The following TMEM245 variants were observed in gnomAD, a reference collection of about 807,000 sequenced individuals.
TMEM245 encodes the protein transmembrane protein 245.
Under a neutral mutation model 101.2 loss-of-function variants are expected in TMEM245, and 69 were observed. The observed-to-expected ratio is 0.68, with a 90% CI of 0.56 to 0.83. The LOEUF is 0.83. TMEM245 is among the 40% of genes least tolerant of loss of function. The pLI is 0.00. For missense variants in TMEM245, 1,075 were observed against 1,092.8 expected (o/e 0.98, Z 0.23); for synonymous variants, 537 against 449.8 (o/e 1.19, Z -2.45).
intron 6 of TMEM245, among the ~76,000 whole-genome samples, chr9:109,086,506 T>C (rs542554031): frequency 5.9e-5 from 9 of 152,324 alleles, no homozygotes; most frequent in South Asian, 2.1e-4. Flanking sequence ...AAATTCCTAA[T>C]ACTTACATAG....
rs1232097268 is a variant in TMEM245 at position 109,119,836 on chromosome 9, C to T, written c.78G>A (p.Ala26=). ...CCCCGCCACCGCCACTCGGCCCGAC[C>T]GCGCGCGGGACCCGCGGCGCCGGCC... The part of the protein sequence containing the change: ...SPGPAPRVPR[A]VGPSGGGGET... Residue 26 remains alanine, a synonymous_variant, in exon 1 of 18, where the codon GCG becomes GCA. Transcript: ENST00000374586. 7.4e-7 allele frequency: 1 copy of T among 1,350,648 alleles called. No individual in the cohort carries two copies. The highest frequency in any genetic ancestry group is 9.4e-7 in the Non-Finnish European group (1 of 1,061,242). 83.7% of individuals were successfully genotyped at this position (1,350,648 alleles called of 1,614,324 possible). A position where few individuals can be genotyped will look rare whatever the true frequency, so the allele number is the denominator to read the frequency against.
chr9:109,103,527 C>T (rs925069342), intron 3 of TMEM245, among the ~76,000 whole-genome samples: 1 of 152,070 alleles, frequency 6.6e-6, no homozygotes, highest in Non-Finnish European at 1.5e-5. Flanking sequence ...GGTACTTATA[C>T]ACAATGGAGT....
intron 14 of TMEM245, among the ~76,000 whole-genome samples, chr9:109,048,967 G>T (rs1024600991): frequency 5.9e-5 from 9 of 152,362 alleles, no homozygotes; most frequent in African/African-American, 2.2e-4. Context: ...CAGCTTGGCT[G>T]TAGGACAGAG....
intron 3 of TMEM245, among the ~76,000 whole-genome samples, chr9:109,102,822 C>A (rs1033457113): frequency 2.6e-5 from 4 of 152,180 alleles, no homozygotes; most frequent in Non-Finnish European, 5.9e-5. Flanking sequence ...AGTTTATTAT[C>A]GCCATCAGAA....
chr9:109,068,422 C>A lies in TMEM245; in HGVS notation c.1533-3855G>T, dbSNP rs912601534. On this transcript the variant is annotated intron_variant, in intron 9 of 17. Coordinates refer to ENST00000374586, the MANE Select transcript of TMEM245 (RefSeq NM_032012.4). ...TTGGGAGGCCAAAGCGGGTGGATCA[C>A]TTGAGGTCAGGAGTTCAAAGACCAG... Among the ~76,000 whole-genome samples the A allele has an allele frequency of 5.4e-5, 8 of 147,376 alleles. No homozygotes were observed. The Admixed American group carries it at 5.5e-4, about 10-fold the overall frequency.
intron 11 of TMEM245, among the ~76,000 whole-genome samples, chr9:109,058,091 C>G (rs1248969461): frequency 6.6e-6 from 1 of 151,092 alleles, no homozygotes; most frequent in Non-Finnish European, 1.5e-5. Context: ...AACTCCGCCT[C>G]CCAGGTTCAT....
At chr9:109,047,851 G>GAT (rs1032557525) in intron 14 of TMEM245, among the ~76,000 whole-genome samples, 1 of 152,194 alleles carries the variant, frequency 6.6e-6, no homozygotes, top group African/African-American at 2.4e-5. Context: ...ACCAGCCTTT[G>GAT]ATATGGCTGC....
intron 1 of TMEM245, 29 bp downstream of exon 1, chr9:109,119,306 G>C: frequency 1.3e-6 from 2 of 1,515,232 alleles, no homozygotes; most frequent in Non-Finnish European, 1.8e-6. Flanking sequence ...CCACGGGCGG[G>C]GGACGGGGGC....
intron 9 of TMEM245, among the ~76,000 whole-genome samples, chr9:109,064,857 G>A (rs1829119087): frequency 1.3e-5 from 2 of 152,076 alleles, no homozygotes; most frequent in African/African-American, 2.4e-5. Context: ...TCTCGGCTCG[G>A]TGCAACCCTG....
intron 14 of TMEM245, chr9:109,039,407 C>T (rs1828236223): frequency 1.3e-5 from 2 of 152,056 alleles, no homozygotes; most frequent in African/African-American, 2.4e-5. Context: ...AAGAAAACAA[C>T]AGAGCTTCAG....
chr9:109,039,334 C>T (rs746755927), intron 14 of TMEM245: 1 of 151,978 alleles, frequency 6.6e-6, no homozygotes, highest in Non-Finnish European at 1.5e-5. Context: ...CAAAAGGAAG[C>T]GAAAGACCCC....
At chr9:109,088,911 C>T (rs1311035168) in intron 5 of TMEM245, among the ~76,000 whole-genome samples, 1 of 149,918 alleles carries the variant, frequency 6.7e-6, no homozygotes, top group African/African-American at 2.5e-5. Context: ...GGTATCTGCT[C>T]TGTGACTTGC....
At chr9:109,077,222 C>G (rs528325191) in intron 8 of TMEM245, among the ~76,000 whole-genome samples, 1 of 152,224 alleles carries the variant, frequency 6.6e-6, no homozygotes, top group East Asian at 1.9e-4. Context: ...ACGATCACAG[C>G]TCACTGCAGC....
chr9:109,051,449 A>T (rs566929616), intron 12 of TMEM245, among the ~76,000 whole-genome samples: 5 of 152,302 alleles, frequency 3.3e-5, no homozygotes, highest in African/African-American at 1.2e-4. Context: ...TTCGTCCTGC[A>T]AATGTCATAG....
intron 1 of TMEM245, among the ~76,000 whole-genome samples, chr9:109,109,230 C>T (rs1028895740): frequency 1.3e-5 from 2 of 152,114 alleles, no homozygotes; most frequent in Admixed American, 1.3e-4. Flanking sequence ...AGGATACCCT[C>T]TTCAGTTCTT....
intron 17 of TMEM245, among the ~76,000 whole-genome samples, chr9:109,023,226 G>A (rs1470086890): frequency 6.6e-6 from 1 of 152,130 alleles, no homozygotes. Context: ...TGGAGGGGGA[G>A]GTGTGTGTAT....
At chr9:109,116,717 G>T (rs764330225) in intron 1 of TMEM245, among the ~76,000 whole-genome samples, 3 of 151,858 alleles carry the variant, frequency 2.0e-5, no homozygotes, top group Non-Finnish European at 2.9e-5. Flanking sequence ...TAGTAGAGAC[G>T]GGGTTTTACC....
In TMEM245 at chr9:109,018,872, A is replaced by G. The variant is rs10123791; in HGVS notation, c.*1588T>C. ...TACATCAGCCTCCTGAGTAGCTCAG[A>G]CTATAGCCACACCACCGTGCCCAGC... On this transcript the variant is annotated 3_prime_UTR_variant, in exon 18 of 18. Coordinates refer to ENST00000374586, the MANE Select transcript of TMEM245 (RefSeq NM_032012.4). 18,523 of 149,414 alleles carry G rather than the reference A, an allele frequency of 0.12. 1,349 individuals carry two copies. Among genetic ancestry groups the G allele is most frequent in the African/African-American group, 0.19 (7,527 of 39,718 alleles). The allele number at this position is 149,414 out of a possible 1,614,324, so 9.3% of individuals were successfully genotyped here.
chr9:109,065,546 G>A (rs1829143683), intron 9 of TMEM245, among the ~76,000 whole-genome samples: 1 of 152,148 alleles, frequency 6.6e-6, no homozygotes. Context: ...TTCCAACTAT[G>A]CAAGGAACTA....
Sources: gnomAD v4.1 joint callset for allele counts (sites outside exome capture counted in the v4.1 genomes callset) on GRCh38, gnomAD v4.1.1 for gene constraint, MANE v1.5 for transcripts, NCBI Gene and HGNC (gene_info 2026-07-23, HGNC 2026-07-21) for gene names.